The following HHIPL1 variants were observed in gnomAD, a reference collection of about 807,000 sequenced individuals.
HHIPL1 encodes the protein HHIP like 1.
A neutral mutation model predicts 61.8 loss-of-function variants in HHIPL1; 43 were observed. The ratio of observed to expected loss-of-function variants is 0.70; its 90% CI spans 0.55 to 0.90. The LOEUF (loss-of-function observed/expected upper bound fraction) is 0.90. Ranked by LOEUF, HHIPL1 falls within the 40% of genes least tolerant of loss-of-function variation. The pLI, the probability that HHIPL1 is intolerant of heterozygous loss-of-function variation, is 0.00. For missense variants in HHIPL1, 1,056 were observed against 1,157.7 expected (o/e 0.91, Z 1.28); for synonymous variants, 482 against 515.8 (o/e 0.93, Z 0.89).
chr14:99,639,478 G>A, the HHIPL1 span, among the ~76,000 whole-genome samples: 1 of 152,106 alleles, frequency 6.6e-6, no homozygotes, highest in Non-Finnish European at 1.5e-5. Context: ...GAGAGTAGCT[G>A]GGACTATAGG....
the HHIPL1 span, among the ~76,000 whole-genome samples, chr14:99,611,209 A>G: frequency 1.3e-5 from 2 of 152,102 alleles, no homozygotes; most frequent in African/African-American, 4.8e-5. Flanking sequence ...GGCTGACTGC[A>G]GCCTTAACCT....
the HHIPL1 span, among the ~76,000 whole-genome samples, chr14:99,620,694 G>A: frequency 1.3e-5 from 2 of 152,238 alleles, no homozygotes; most frequent in Admixed American, 6.5e-5. Context: ...GCTTTCCACA[G>A]GAAGGAGGGG....
At chr14:99,661,118 G>T (rs1229186732) in intron 5 of HHIPL1, among the ~76,000 whole-genome samples, 1 of 115,182 alleles carries the variant, frequency 8.7e-6, no homozygotes, top group African/African-American at 3.3e-5. Context: ...TGTCCCCAAG[G>T]GTGCTTATGG....
Position 99,675,485 on chromosome 14 carries a change from G to A in HHIPL1, c.2208G>A (p.Leu736=). The change falls in exon 9 of 9, where the codon CTG becomes CTA. Residue 736 remains leucine (L), a synonymous_variant. Coordinates refer to ENST00000330710, the MANE Select transcript of HHIPL1 (RefSeq NM_001127258.3). The surrounding 1 kb of genome is among the most constrained non-coding windows in gnomAD (Gnocchi z 5.4). ...CCGAGTTCGGCCAGGGCGGCTCGCT[G>A]CCCATTCTGCTGGACGATGTGCGCT... ...KRAEFGQGGS[L]PILLDDVRCA... The A allele has an allele frequency of 1.3e-6, 2 of 1,542,412 alleles. No individual in the cohort carries two copies. The highest frequency in any genetic ancestry group is 1.7e-6 in the Non-Finnish European group (2 of 1,146,402).
chr14:99,607,793 A>G, the HHIPL1 span, among the ~76,000 whole-genome samples: 4 of 152,164 alleles, frequency 2.6e-5, no homozygotes, highest in African/African-American at 7.2e-5. Context: ...TTCATTTTGA[A>G]GGTGAGGAAA....
At chr14:99,673,801 AGG>A (rs1287865691) in intron 8 of HHIPL1, among the ~76,000 whole-genome samples, 1 of 39,814 alleles carries the variant, frequency 2.5e-5, no homozygotes. Flanking sequence ...GGTGGCATGG[AGG>A]GGGGGTGCAC....
At chr14:99,656,863 GGAAGGAAGGAAGGAAGGAAGGA>G in intron 2 of HHIPL1, 115 bp from the exon 3 acceptor site, 1 of 23,500 alleles carries the variant, frequency 4.3e-5, no homozygotes, top group African/African-American at 1.5e-4. Flanking sequence ...AAGGAAGGAA[GGAAGGAAGGAAGGAAGGAAGGA>G]AGGAAGGAAG....
chr14:99,624,493 C>T, the HHIPL1 span, among the ~76,000 whole-genome samples: 7 of 152,294 alleles, frequency 4.6e-5, no homozygotes, highest in East Asian at 1.3e-3. Flanking sequence ...TATGGTCGGG[C>T]ATTTACAGCC....
the HHIPL1 span, among the ~76,000 whole-genome samples, chr14:99,608,141 C>A: frequency 6.6e-6 from 1 of 151,962 alleles, no homozygotes; most frequent in Non-Finnish European, 1.5e-5. Context: ...TGGAGAGACA[C>A]TATTACACCT....
the HHIPL1 span, among the ~76,000 whole-genome samples, chr14:99,629,644 C>T: frequency 0.91 from 138,704 of 151,818 alleles, 64,644 homozygotes; most frequent in East Asian, 1. Flanking sequence ...ATTACAGGTG[C>T]GTGCCACCAC....
At chr14:99,642,924 T>C (rs1046197435), upstream of HHIPL1, among the ~76,000 whole-genome samples, 4 of 152,220 alleles carry the variant, frequency 2.6e-5, no homozygotes, top group East Asian at 7.7e-4. Context: ...CTTGATGTTG[T>C]CAACTTTTTC....
At chr14:99,637,039 G>GAA in the HHIPL1 span, among the ~76,000 whole-genome samples, 1 of 105,244 alleles carries the variant, frequency 9.5e-6, no homozygotes, top group African/African-American at 3.5e-5. Flanking sequence ...AAGAAAGAAA[G>GAA]AAAGAAAGAA....
In HHIPL1 at chr14:99,675,254, G is replaced by A. The variant is rs1243453462; in HGVS notation, c.1977G>A (p.Gly659=). The change falls in exon 9 of 9, where the codon GGG becomes GGA. Residue 659 remains glycine, a synonymous_variant. Transcript: ENST00000330710. This position sits in a 1 kb window ranked among gnomAD's most constrained non-coding sequence, Gnocchi z 5.4. ...GGAGGGGCGGCGGGCGGCGGCGGGGGCGGCTGAACTCGGCGAGCCGGGCGT... is the reference window on the plus strand; with the variant it reads ...GGAGGGGCGGCGGGCGGCGGCGGGGACGGCTGAACTCGGCGAGCCGGGCGT... ...GSRRGGGRRR[G]RLNSASRAFR... The A allele has an allele frequency of 8.9e-6, 11 of 1,233,300 alleles. No homozygotes were observed. The East Asian group carries it at 2.9e-4, about 33-fold the overall frequency. 76.4% of individuals were successfully genotyped at this position (1,233,300 alleles called of 1,614,324 possible). A position where few individuals can be genotyped will look rare whatever the true frequency, so the allele number is the denominator to read the frequency against.
At chr14:99,666,431 G>A (rs1470386364) in intron 6 of HHIPL1, among the ~76,000 whole-genome samples, 4 of 152,168 alleles carry the variant, frequency 2.6e-5, no homozygotes, top group Non-Finnish European at 5.9e-5. Context: ...AGCAGATCAC[G>A]GCTGGAAGGG....
intron 3 of HHIPL1, among the ~76,000 whole-genome samples, chr14:99,658,427 G>T (rs190247781): frequency 6.6e-6 from 1 of 152,204 alleles, no homozygotes; most frequent in Admixed American, 6.5e-5. Flanking sequence ...GCATATATCG[G>T]GTGGGAGCGT....
Position 99,660,565 on chromosome 14 carries a change from C to T in HHIPL1, c.1502+159C>T, listed in dbSNP as rs576427910. Among the ~76,000 whole-genome samples the T allele has an allele frequency of 8.5e-5, 13 of 152,180 alleles. No homozygotes were observed. Among genetic ancestry groups the T allele is most frequent in the Non-Finnish European group, 1.9e-4 (13 of 68,024 alleles). On this transcript the variant is annotated intron_variant, in intron 5 of 8. Transcript: ENST00000330710. This position sits in a 1 kb window ranked among gnomAD's most constrained non-coding sequence, Gnocchi z 4.9. ...TGTGGGCCGGACACCCGCATCCACC[C>T]GCTTTTCTCCTGAGATGTATGGTGA...
rs2055950898 is a variant in HHIPL1, at chr14:99,652,496, C to T, written c.528C>T (p.Ala176=). 12 of 1,613,852 alleles carry T rather than the reference C, an allele frequency of 7.4e-6. No homozygotes were observed. Among genetic ancestry groups the T allele is most frequent in the Admixed American group, 1.7e-5 (1 of 60,032 alleles). Residue 176 remains alanine (A), a synonymous_variant, in exon 2 of 9, where the codon GCC becomes GCT. Coordinates refer to ENST00000330710, the MANE Select transcript of HHIPL1 (RefSeq NM_001127258.3). ...ACTCAAACCTGGGCCACGTGGTAGCCGATGCCAAGGGCTGCCTGCAGCTGT... is the reference window on the plus strand; with the variant it reads ...ACTCAAACCTGGGCCACGTGGTAGCTGATGCCAAGGGCTGCCTGCAGCTGT... The part of the protein sequence containing the change: ...NLNSNLGHVV[A]DAKGCLQLCL...
At chr14:99,640,127 C>T in the HHIPL1 span, among the ~76,000 whole-genome samples, 1 of 152,142 alleles carries the variant, frequency 6.6e-6, no homozygotes, top group Admixed American at 6.5e-5. Context: ...CTTTTCTTAC[C>T]TGCCTTCTCT....
chr14:99,630,998 G>A, the HHIPL1 span, among the ~76,000 whole-genome samples: 1 of 152,030 alleles, frequency 6.6e-6, no homozygotes, highest in African/African-American at 2.4e-5. Context: ...ACTGGATAAG[G>A]ATGCACTCTA....
Sources: gnomAD v4.1 joint callset for allele counts (sites outside exome capture counted in the v4.1 genomes callset) on GRCh38, gnomAD v4.1.1 for gene constraint, Gnocchi (gnomAD v3.1) non-coding constraint, MANE v1.5 for transcripts, NCBI Gene and HGNC (gene_info 2026-07-23, HGNC 2026-07-21) for gene names.